GFRA1: variants seen among roughly 807,000 people sequenced by gnomAD.
GFRA1 encodes the protein GDNF family receptor alpha-1.
Under a neutral mutation model 51.6 loss-of-function variants are expected in GFRA1, and 16 were observed. The observed-to-expected ratio is 0.31, with a 90% CI of 0.21 to 0.47. The LOEUF (loss-of-function observed/expected upper bound fraction) is 0.47. Among genes scored for constraint, GFRA1 ranks in the 20% least tolerant of loss-of-function variants. The probability of loss-of-function intolerance (pLI) is 1.00; values close to 1 mark genes in which losing one functional copy is unlikely to be tolerated. For synonymous variants in GFRA1, 270 were observed against 241.3 expected (o/e 1.12, Z -1.10); for missense variants, 530 against 594.3 (o/e 0.89, Z 1.13).
rs1462516798 is a variant in GFRA1, at chr10:116,255,151, T to C, written c.418+14352A>G. On this transcript the variant is annotated intron_variant, in intron 4 of 10. Coordinates refer to ENST00000355422, the MANE Select transcript of GFRA1 (RefSeq NM_005264.8). ...TTCTGGGCTTCGACTTCTTTATATT[T>C]TGCTTATGAGGAACAAATGTCGACA... is the stretch of plus-strand genomic sequence containing the variant. Among the ~76,000 whole-genome samples the C allele has an allele frequency of 3.3e-5, 5 of 152,144 alleles. No homozygotes were observed. The East Asian group carries it at 9.6e-4, about 29-fold the overall frequency.
chr10:116,100,916 C>T (rs1305104343), intron 6 of GFRA1, among the ~76,000 whole-genome samples: 1 of 151,894 alleles, frequency 6.6e-6, no homozygotes, highest in African/African-American at 2.4e-5. Context: ...AGAACAGAAT[C>T]GAGAGGAGGA....
At chr10:116,070,139 A>G (rs1955311848) in intron 9 of GFRA1, among the ~76,000 whole-genome samples, 1 of 152,206 alleles carries the variant, frequency 6.6e-6, no homozygotes, top group Non-Finnish European at 1.5e-5. Flanking sequence ...GCAGCCAAAT[A>G]GTCATAATTA....
intron 4 of GFRA1, among the ~76,000 whole-genome samples, chr10:116,267,938 C>T (rs564794581): frequency 2.5e-5 from 2 of 80,468 alleles, no homozygotes; most frequent in African/African-American, 8.5e-5. Context: ...GACTGACAGA[C>T]TAACACACAC....
intron 4 of GFRA1, among the ~76,000 whole-genome samples, chr10:116,219,962 T>C (rs953669552): frequency 6.6e-6 from 1 of 152,204 alleles, no homozygotes; most frequent in African/African-American, 2.4e-5. Context: ...ATTTGCAAAA[T>C]GATTTCTACT....
intron 5 of GFRA1, among the ~76,000 whole-genome samples, chr10:116,161,752 A>T (rs1433128189): frequency 6.6e-6 from 1 of 152,240 alleles, no homozygotes. Context: ...AGGCTCCCTC[A>T]GCCATGTGGA....
intron 6 of GFRA1, among the ~76,000 whole-genome samples, chr10:116,122,433 T>C (rs137986242): frequency 1.3e-5 from 2 of 152,244 alleles, no homozygotes; most frequent in African/African-American, 2.4e-5. Context: ...CACAAACAGT[T>C]CCTGAAACTT....
chr10:116,084,570 A>T (rs1308033579), intron 9 of GFRA1, among the ~76,000 whole-genome samples: 3 of 152,050 alleles, frequency 2.0e-5, no homozygotes. Flanking sequence ...AGGCAGTGAA[A>T]CCTTCTCAGG....
intron 9 of GFRA1, among the ~76,000 whole-genome samples, chr10:116,089,263 T>C (rs185739488): frequency 1.3e-5 from 2 of 152,164 alleles, no homozygotes; most frequent in Non-Finnish European, 2.9e-5. Context: ...CGTCAAGCAG[T>C]CTGCATGGGA....
intron 5 of GFRA1, among the ~76,000 whole-genome samples, chr10:116,201,760 C>T (rs1439159439): frequency 7.2e-5 from 11 of 152,134 alleles, no homozygotes; most frequent in Admixed American, 7.2e-4. Flanking sequence ...ATGCCTTGTA[C>T]AAACCTGGGC....
chr10:116,252,024 T>C (rs1824297232), intron 4 of GFRA1, among the ~76,000 whole-genome samples: 1 of 143,448 alleles, frequency 7.0e-6, no homozygotes, highest in Non-Finnish European at 1.5e-5. Context: ...GAGTAAAAAT[T>C]TTCTATTTTA....
At chr10:116,069,220 T>C (rs1955258131) in intron 9 of GFRA1, among the ~76,000 whole-genome samples, 1 of 152,224 alleles carries the variant, frequency 6.6e-6, no homozygotes, top group South Asian at 2.1e-4. Flanking sequence ...GTTTTATTTT[T>C]TGAAAAATCA....
At chr10:116,161,102 C>T (rs756653881) in intron 5 of GFRA1, among the ~76,000 whole-genome samples, 25 of 152,084 alleles carry the variant, frequency 1.6e-4, no homozygotes, top group Non-Finnish European at 8.8e-5. Context: ...GGATGCCAAC[C>T]GGGAGGTGAG....
At chr10:116,259,969 G>T (rs1230731916) in intron 4 of GFRA1, among the ~76,000 whole-genome samples, 1 of 152,156 alleles carries the variant, frequency 6.6e-6, no homozygotes, top group Non-Finnish European at 1.5e-5. Context: ...CACAAGGTAG[G>T]GGCTTCCCCA....
intron 5 of GFRA1, among the ~76,000 whole-genome samples, chr10:116,205,418 TA>T (rs1043665899): frequency 4.8e-4 from 73 of 151,174 alleles, no homozygotes; most frequent in African/African-American, 1.7e-3. Flanking sequence ...CTAGTAAAAA[TA>T]AAAAAATTAG....
intron 5 of GFRA1, among the ~76,000 whole-genome samples, chr10:116,197,000 T>A (rs1211562859): frequency 6.6e-6 from 1 of 151,322 alleles, no homozygotes; most frequent in Non-Finnish European, 1.5e-5. Context: ...TCTGCCTGTG[T>A]CTTCATGTGG....
Position 116,123,372 on chromosome 10 carries a change from C to A in GFRA1, c.770+1849G>T, listed in dbSNP as rs573768287. ...AAGACGCTTGGTCATCCGAGTCCTT[C>A]CTCATACAGCAGGTCACTTGCTTCC... On this transcript the variant is annotated intron_variant, in intron 6 of 10. Transcript: ENST00000355422. Among the ~76,000 whole-genome samples the A allele has an allele frequency of 2.0e-5, 3 of 152,330 alleles. No individual in the cohort carries two copies. The South Asian group carries it at 6.2e-4, about 32-fold the overall frequency.
intron 4 of GFRA1, among the ~76,000 whole-genome samples, chr10:116,234,571 C>G (rs531982848): frequency 4.8e-4 from 73 of 152,320 alleles, no homozygotes; most frequent in African/African-American, 1.5e-3. Context: ...CACTCCGTGG[C>G]CTTGGGCAGC....
At chr10:116,156,289 C>T (rs1352537711) in intron 5 of GFRA1, among the ~76,000 whole-genome samples, 2 of 152,184 alleles carry the variant, frequency 1.3e-5, no homozygotes, top group Admixed American at 6.5e-5. Flanking sequence ...GAGGAAATGA[C>T]AGGTCATTAG....
At chr10:116,248,981 C>T (rs1968094119) in intron 4 of GFRA1, among the ~76,000 whole-genome samples, 1 of 152,144 alleles carries the variant, frequency 6.6e-6, no homozygotes, top group South Asian at 2.1e-4. Context: ...CCCACTCCTT[C>T]CCCCAGTTCC....
Sources: allele counts gnomAD v4.1 joint callset (sites outside exome capture counted in the v4.1 genomes callset), GRCh38; gene constraint gnomAD v4.1.1; transcripts MANE v1.5; gene names NCBI Gene and HGNC (gene_info 2026-07-23, HGNC 2026-07-21).